The following P3H2 variants were observed in gnomAD, a reference collection of about 807,000 sequenced individuals.
P3H2 encodes leprecan-like 1.
A neutral mutation model predicts 87.0 loss-of-function variants in P3H2; 80 were observed. That is an observed-to-expected ratio of 0.92 (90% confidence interval 0.77 to 1.11). P3H2 has a LOEUF of 1.11. P3H2 is among the 50% of genes least tolerant of loss of function. The pLI is 0.00. For synonymous variants in P3H2, 367 were observed against 359.3 expected (o/e 1.02, Z -0.24); for missense variants, 1,001 against 923.9 (o/e 1.08, Z -1.08).
rs953244109 is a variant in P3H2, at chr3:189,972,903, G to A, written c.1670C>T (p.Thr557Ile). 1 of 1,614,044 alleles carries A rather than the reference G, an allele frequency of 6.2e-7. No homozygotes were observed. Among genetic ancestry groups the A allele is most frequent in the Non-Finnish European group, 8.5e-7 (1 of 1,179,968 alleles). Residue 557 changes from threonine (T) to isoleucine (I), a missense_variant, in exon 11 of 15, where the codon ACA (threonine) becomes ATA (isoleucine). Thr to Ile is a moderately conservative substitution (Grantham distance 89, BLOSUM62 -1). Coordinates refer to ENST00000319332, the MANE Select transcript of P3H2 (RefSeq NM_018192.4). Reference protein sequence around the residue: ...MLNSTLYFSYTHMVCRTALSG... With the variant: ...MLNSTLYFSYIHMVCRTALSG... ...CAGGGCTGTTCGGCAGACCATGTGTGTATAGGAAAAATACAGAGTTGAGTT... is the reference window on the plus strand; with the variant it reads ...CAGGGCTGTTCGGCAGACCATGTGTATATAGGAAAAATACAGAGTTGAGTT...
Position 189,983,030 on chromosome 3 carries a change from G to C in P3H2, c.1324+16C>G. On this transcript the variant is annotated intron_variant, in intron 8 of 14. Coordinates refer to ENST00000319332, the MANE Select transcript of P3H2 (RefSeq NM_018192.4). ...CCTTCCCCTCCTTTATAGGGTAAAA[G>C]TGCACAGCTACTTACCTTCTCTTAG... The C allele has an allele frequency of 6.3e-7, 1 of 1,593,662 alleles. No homozygotes were observed. The highest frequency in any genetic ancestry group is 8.6e-7 in the Non-Finnish European group (1 of 1,161,390).
chr3:190,012,803 G>A lies in P3H2; in HGVS notation c.481-17361C>T, dbSNP rs736703. 4.6e-3 allele frequency among the ~76,000 whole-genome samples: 694 copies of A among 152,224 alleles called. 5 individuals carry two copies. Among genetic ancestry groups the A allele is most frequent in the African/African-American group, 0.016 (673 of 41,532 alleles). ...TATTCCCCCCAGTGGCTCTCTGGGG[G>A]CAGAGTTCTGAAGACACTGTTTACC... On this transcript the variant is annotated intron_variant, in intron 1 of 14. Coordinates refer to ENST00000319332, the MANE Select transcript of P3H2 (RefSeq NM_018192.4).
chr3:190,121,010 G>C, upstream of P3H2: 2 of 471,538 alleles, frequency 4.2e-6, no homozygotes, highest in Non-Finnish European at 7.3e-6. Context: ...CAGCGGCGGG[G>C]CTGCCAGGGG....
chr3:189,958,131 A>C (rs750020582), intron 14 of P3H2, 127 bp from the exon 15 acceptor site: 30 of 734,184 alleles, frequency 4.1e-5, no homozygotes, highest in Admixed American at 1.7e-4. Context: ...TTAAGCATTG[A>C]ACACCTCCTC....
Position 189,963,981 on chromosome 3 carries a change from A to C in P3H2, c.2011T>G (p.Leu671Val), listed in dbSNP as rs779319349. ...ACCAATTCTCTATAAAGTGGGTCCA[A>C]GGTGAACCACAGAGCCACAGCACAC... Reference protein sequence around the residue: ...KRCAVALWFTLDPLYRELERI... With the variant: ...KRCAVALWFTVDPLYRELERI... Residue 671 changes from leucine (L) to valine (V), a missense_variant, in exon 14 of 15, where the codon TTG becomes GTG. Coordinates refer to ENST00000319332, the MANE Select transcript of P3H2 (RefSeq NM_018192.4). The C allele has an allele frequency of 6.2e-7, 1 of 1,614,180 alleles. No individual in the cohort carries two copies. The highest frequency in any genetic ancestry group is 1.7e-5 in the Admixed American group (1 of 60,018).
At chr3:189,985,986 T>C (rs945325412) in intron 6 of P3H2, among the ~76,000 whole-genome samples, 17 of 152,198 alleles carry the variant, frequency 1.1e-4, no homozygotes, top group African/African-American at 4.1e-4. Context: ...CCATAGTATA[T>C]GTTTCTGCAA....
chr3:190,017,239 C>T (rs2108938370), intron 1 of P3H2, among the ~76,000 whole-genome samples: 1 of 152,142 alleles, frequency 6.6e-6, no homozygotes, highest in South Asian at 2.1e-4. Flanking sequence ...ACAGCAATGT[C>T]ATTTCTTTGT....
chr3:189,971,073 C>T (rs1226689787), intron 12 of P3H2, among the ~76,000 whole-genome samples, 182 bp from the exon 13 acceptor site: 1 of 152,176 alleles, frequency 6.6e-6, no homozygotes, highest in Non-Finnish European at 1.5e-5. Context: ...TGAGTTATAC[C>T]TCTGAAGAGT....
At chr3:189,968,254 TCC>T (rs990993318) in intron 13 of P3H2, among the ~76,000 whole-genome samples, 48 of 152,020 alleles carry the variant, frequency 3.2e-4, no homozygotes, top group African/African-American at 1.0e-3. Flanking sequence ...CCTAATGTTA[TCC>T]CCCTGACAGG....
chr3:190,024,530 C>CAAAAAAAAAAAAAAAAAAAA (rs71635314), intron 1 of P3H2, among the ~76,000 whole-genome samples: 1 of 52,954 alleles, frequency 1.9e-5, no homozygotes, highest in African/African-American at 6.5e-5. Flanking sequence ...GGTTCCCTCT[C>CAAAAAAAAAAAAAAAAAAAA]AAAAAAAAAA....
intron 1 of P3H2, among the ~76,000 whole-genome samples, chr3:190,012,849 A>AT (rs1265209489): frequency 8.5e-5 from 13 of 152,162 alleles, no homozygotes; most frequent in Admixed American, 2.0e-4. Context: ...AGATTAAGAG[A>AT]TTTTGTAAGT....
At chr3:190,114,549 A>G (rs1712215862) in intron 1 of P3H2, among the ~76,000 whole-genome samples, 1 of 152,160 alleles carries the variant, frequency 6.6e-6, no homozygotes, top group African/African-American at 2.4e-5. Context: ...GATGACTGGT[A>G]AGGAGCTGAC....
chr3:190,023,246 C>T (rs1351013421), intron 1 of P3H2, among the ~76,000 whole-genome samples: 4 of 152,190 alleles, frequency 2.6e-5, no homozygotes, highest in Non-Finnish European at 5.9e-5. Flanking sequence ...TAGCCTTACT[C>T]AATTGCCGTT....
chr3:189,969,340 C>T (rs1421952101), intron 13 of P3H2: 4 of 857,042 alleles, frequency 4.7e-6, no homozygotes, highest in Non-Finnish European at 6.0e-6. Flanking sequence ...AGAGATAAAA[C>T]GAGGTCCCTC....
intron 1 of P3H2, among the ~76,000 whole-genome samples, chr3:190,061,094 A>G (rs1526031): frequency 0.23 from 35,337 of 151,914 alleles, 4,231 homozygotes; most frequent in East Asian, 0.32. Flanking sequence ...AGGACATTCC[A>G]TTGTTTCTGA....
chr3:189,966,121 GAAAAAGAA>G (rs1320634502), intron 13 of P3H2, among the ~76,000 whole-genome samples: 1 of 70,756 alleles, frequency 1.4e-5, no homozygotes, highest in Admixed American at 1.6e-4. Context: ...AAGAAAGAAA[GAAAAAGAA>G]AGAAAGAAAG....
chr3:190,048,911 A>T (rs1406375663), intron 1 of P3H2, among the ~76,000 whole-genome samples: 3 of 152,186 alleles, frequency 2.0e-5, no homozygotes, highest in Non-Finnish European at 2.9e-5. Flanking sequence ...CAAAGGAAGG[A>T]GAAAAATAGC....
chr3:189,961,188 G>A (rs1005684400), intron 14 of P3H2, among the ~76,000 whole-genome samples: 9 of 152,108 alleles, frequency 5.9e-5, no homozygotes, highest in African/African-American at 1.9e-4. Context: ...TGATCTGCCC[G>A]CCTCGGCCTC....
At chr3:190,068,550 A>G (rs745809535) in intron 1 of P3H2, among the ~76,000 whole-genome samples, 3 of 152,202 alleles carry the variant, frequency 2.0e-5, no homozygotes, top group South Asian at 2.1e-4. Context: ...ATCTTTAGTG[A>G]TATCAAAACT....
Sources: allele counts gnomAD v4.1 joint callset (sites outside exome capture counted in the v4.1 genomes callset), GRCh38; gene constraint gnomAD v4.1.1; transcripts MANE v1.5; gene names NCBI Gene and HGNC (gene_info 2026-07-23, HGNC 2026-07-21).